MBNL1: variants seen among roughly 807,000 people sequenced by gnomAD.
The protein encoded by MBNL1 is muscleblind like splicing regulator 1.
In MBNL1, 8 loss-of-function variants were observed where a neutral mutation model predicts 42.2. The ratio of observed to expected loss-of-function variants is 0.19; its 90% CI spans 0.11 to 0.34. The LOEUF is 0.34. Among genes scored for constraint, MBNL1 ranks in the 10% least tolerant of loss-of-function variants. The pLI is 1.00. For missense variants in MBNL1, 309 were observed against 495.3 expected, an observed-to-expected ratio of 0.62 and a Z score of 3.57; for synonymous variants, 169 against 173.9, an observed-to-expected ratio of 0.97 and a Z score of 0.22.
chr3:152,445,830 T>G (rs1273635896), intron 5 of MBNL1, among the ~76,000 whole-genome samples: 1 of 152,172 alleles, frequency 6.6e-6, no homozygotes, highest in Non-Finnish European at 1.5e-5. Flanking sequence ...CCTTTTCAAC[T>G]TAACGATATT....
intron 2 of MBNL1, among the ~76,000 whole-genome samples, chr3:152,328,043 T>A (rs928668934): frequency 6.6e-6 from 1 of 152,160 alleles, no homozygotes. Flanking sequence ...AATTATAAGA[T>A]CCTGTGCTAT....
chr3:152,302,182 C>G (rs561000799), intron 2 of MBNL1: 2 of 152,062 alleles, frequency 1.3e-5, no homozygotes, highest in Non-Finnish European at 2.9e-5. Context: ...ACATCAAGGA[C>G]TTTAAATAAT....
intron 3 of MBNL1, among the ~76,000 whole-genome samples, chr3:152,417,944 G>A (rs2098730695): frequency 6.6e-6 from 1 of 152,170 alleles, no homozygotes; most frequent in Non-Finnish European, 1.5e-5. Flanking sequence ...CTCATAAATT[G>A]TGAGTGACGA....
At chr3:152,369,561 T>G (rs943642882) in intron 2 of MBNL1, among the ~76,000 whole-genome samples, 1 of 152,138 alleles carries the variant, frequency 6.6e-6, no homozygotes, top group Non-Finnish European at 1.5e-5. Context: ...TTTTATATTG[T>G]TTGGAATAGT....
intron 8 of MBNL1, chr3:152,458,594 C>G (rs190148966): frequency 1.2e-5 from 2 of 167,942 alleles, no homozygotes; most frequent in East Asian, 3.3e-4. Context: ...GCATTAATTT[C>G]AGGTTGAAGA....
At chr3:152,311,585 A>T (rs2066507704) in intron 2 of MBNL1, among the ~76,000 whole-genome samples, 3 of 151,620 alleles carry the variant, frequency 2.0e-5, no homozygotes, top group African/African-American at 7.3e-5. Flanking sequence ...GTTTATTTTA[A>T]TTTTTTGTTT....
At chr3:152,259,263 T>G (rs1462939093) in intron 2 of MBNL1, among the ~76,000 whole-genome samples, 1 of 152,202 alleles carries the variant, frequency 6.6e-6, no homozygotes, top group Non-Finnish European at 1.5e-5. Context: ...AGTTATAGAT[T>G]ACTGCTCTTT....
intron 2 of MBNL1, among the ~76,000 whole-genome samples, chr3:152,366,149 C>G (rs977025533): frequency 6.6e-6 from 1 of 152,086 alleles, no homozygotes. Context: ...TTTTGTTGAT[C>G]ACAGTGTAGC....
chr3:152,278,547 A>G (rs541278795), intron 1 of MBNL1, among the ~76,000 whole-genome samples: 41 of 152,306 alleles, frequency 2.7e-4, no homozygotes, highest in African/African-American at 8.7e-4. Flanking sequence ...ACATTTGCTG[A>G]AAATTGCCTA....
intron 4 of MBNL1, among the ~76,000 whole-genome samples, chr3:152,438,120 C>T (rs545543827): frequency 6.6e-6 from 1 of 152,272 alleles, no homozygotes; most frequent in East Asian, 1.9e-4. Flanking sequence ...CATTGTTTGA[C>T]TTATTTTCAA....
intron 2 of MBNL1, among the ~76,000 whole-genome samples, chr3:152,372,868 A>G (rs2096731655): frequency 6.6e-6 from 1 of 152,152 alleles, no homozygotes; most frequent in African/African-American, 2.4e-5. Context: ...GGCAGGCAGG[A>G]ACATTTACGT....
intron 4 of MBNL1, among the ~76,000 whole-genome samples, chr3:152,435,465 G>T (rs1467968421): frequency 6.6e-6 from 1 of 152,158 alleles, no homozygotes; most frequent in East Asian, 1.9e-4. Context: ...GTTTGAGTCA[G>T]GTAATGTGAT....
At chr3:152,371,500 G>A (rs2096658615) in intron 2 of MBNL1, among the ~76,000 whole-genome samples, 1 of 152,180 alleles carries the variant, frequency 6.6e-6, no homozygotes, top group South Asian at 2.1e-4. Context: ...GGGAGGCTGA[G>A]GCAGGAGAAT....
chr3:152,248,548 A>T (rs899229837), intron 2 of MBNL1, among the ~76,000 whole-genome samples: 2 of 151,866 alleles, frequency 1.3e-5, no homozygotes, highest in Non-Finnish European at 2.9e-5. Context: ...GTCACACATA[A>T]CAAGGGCTTT....
At chr3:152,292,329 A>G (rs944297315) in intron 1 of MBNL1, among the ~76,000 whole-genome samples, 2 of 152,242 alleles carry the variant, frequency 1.3e-5, no homozygotes, top group Non-Finnish European at 2.9e-5. Flanking sequence ...TTAAGGATCA[A>G]CAATCATTTT....
intron 2 of MBNL1, among the ~76,000 whole-genome samples, chr3:152,401,295 T>A (rs2098207178): frequency 6.6e-6 from 1 of 152,182 alleles, no homozygotes; most frequent in African/African-American, 2.4e-5. Context: ...TTCACTACTG[T>A]GAGTTTATTC....
chr3:152,323,837 A>G (rs1418761633), intron 2 of MBNL1, among the ~76,000 whole-genome samples: 1 of 152,170 alleles, frequency 6.6e-6, no homozygotes, highest in East Asian at 1.9e-4. Context: ...TCCTTTGTTG[A>G]CTGAAGCGTT....
intron 2 of MBNL1, among the ~76,000 whole-genome samples, chr3:152,324,719 C>T (rs1172694429): frequency 6.6e-6 from 1 of 152,130 alleles, no homozygotes; most frequent in Non-Finnish European, 1.5e-5. Context: ...AAGAACATCA[C>T]TCACTATACC....
intron 2 of MBNL1, among the ~76,000 whole-genome samples, chr3:152,389,436 A>C (rs746220011): frequency 5.3e-5 from 8 of 152,088 alleles, no homozygotes; most frequent in Non-Finnish European, 8.8e-5. Context: ...GTTCTGAGGA[A>C]TGCATTGTTA....
Sources: allele counts gnomAD v4.1 joint callset (sites outside exome capture counted in the v4.1 genomes callset), GRCh38; gene constraint gnomAD v4.1.1; transcripts MANE v1.5; gene names NCBI Gene and HGNC (gene_info 2026-07-23, HGNC 2026-07-21).